The following NUDCD3 variants were observed in gnomAD, a reference collection of about 807,000 sequenced individuals.
NUDCD3 encodes nudC domain-containing protein 3.
A neutral mutation model predicts 39.7 loss-of-function variants in NUDCD3; 13 were observed. That is an observed-to-expected ratio of 0.33 (90% CI 0.21 to 0.52). The LOEUF (loss-of-function observed/expected upper bound fraction) is 0.52, where lower values mean the gene tolerates loss of function less well. NUDCD3 is among the 20% of genes least tolerant of loss of function. NUDCD3 has a pLI of 0.96. For missense variants in NUDCD3, 453 were observed against 458.1 expected, an observed-to-expected ratio of 0.99 and a Z score of 0.10; for synonymous variants, 175 against 172.4, an observed-to-expected ratio of 1.02 and a Z score of -0.12.
rs1798358755 is a variant in NUDCD3, at chr7:44,384,148, T to C, written c.*1863A>G. 1 of 152,226 alleles carries C rather than the reference T, an allele frequency of 6.6e-6. No individual in the cohort carries two copies. Among genetic ancestry groups the C allele is most frequent in the African/African-American group, 2.4e-5 (1 of 41,432 alleles). 9.4% of individuals were successfully genotyped at this position (152,226 alleles called of 1,614,324 possible). On this transcript the variant is annotated 3_prime_UTR_variant, in exon 6 of 6. Coordinates refer to ENST00000355451, the MANE Select transcript of NUDCD3 (RefSeq NM_015332.4). ...AGGGCATCTCACACCACTGCATCACTTCTGGAAGACTACCCACAGGGTGGG... is the reference window on the plus strand; with the variant it reads ...AGGGCATCTCACACCACTGCATCACCTCTGGAAGACTACCCACAGGGTGGG...
intron 1 of NUDCD3, among the ~76,000 whole-genome samples, chr7:44,487,257 C>G (rs182538243): frequency 1.3e-5 from 2 of 152,090 alleles, no homozygotes; most frequent in South Asian, 4.1e-4. Context: ...TAAAAGGAAA[C>G]GTATGAGCTG....
chr7:44,477,310 A>G (rs914398771), intron 2 of NUDCD3, among the ~76,000 whole-genome samples: 14 of 152,200 alleles, frequency 9.2e-5, no homozygotes, highest in African/African-American at 3.4e-4. Flanking sequence ...CAAAGGACAA[A>G]AAGATAACCA....
At chr7:44,394,580 G>C (rs184946578) in intron 4 of NUDCD3, among the ~76,000 whole-genome samples, 2 of 152,220 alleles carry the variant, frequency 1.3e-5, no homozygotes, top group Non-Finnish European at 2.9e-5. Context: ...AGTTATTACT[G>C]TGATCCATGT....
At chr7:44,423,969 G>C (rs1343330728) in intron 3 of NUDCD3, among the ~76,000 whole-genome samples, 1 of 152,088 alleles carries the variant, frequency 6.6e-6, no homozygotes. Flanking sequence ...GAACAGAACA[G>C]AGGCCTCAGA....
intron 2 of NUDCD3, among the ~76,000 whole-genome samples, chr7:44,431,114 G>A: frequency 6.6e-6 from 1 of 152,202 alleles, no homozygotes; most frequent in South Asian, 2.1e-4. Context: ...CCAGCCAACA[G>A]TATGTAAAAA....
chr7:44,466,414 GGAGA>G (rs1451813717), intron 2 of NUDCD3, among the ~76,000 whole-genome samples: 11 of 152,092 alleles, frequency 7.2e-5, no homozygotes, highest in Admixed American at 3.9e-4. Context: ...TGTTTTCCTT[GGAGA>G]GAGAAACAGT....
chr7:44,415,894 C>T (rs1799011794), intron 3 of NUDCD3, among the ~76,000 whole-genome samples: 1 of 152,190 alleles, frequency 6.6e-6, no homozygotes, highest in Non-Finnish European at 1.5e-5. Flanking sequence ...ACACTGCTGA[C>T]AGGCAACCGT....
chr7:44,458,385 C>T (rs1327159863), intron 2 of NUDCD3, among the ~76,000 whole-genome samples: 1 of 152,180 alleles, frequency 6.6e-6, no homozygotes, highest in South Asian at 2.1e-4. Flanking sequence ...TGGGGCCAGA[C>T]ATGGTGGCTC....
intron 2 of NUDCD3, among the ~76,000 whole-genome samples, chr7:44,481,074 T>C (rs979432190): frequency 6.6e-6 from 1 of 150,904 alleles, no homozygotes; most frequent in Non-Finnish European, 1.5e-5. Flanking sequence ...ACTATTTACA[T>C]AGCATTTACA....
intron 4 of NUDCD3, among the ~76,000 whole-genome samples, chr7:44,400,669 C>T (rs1483069213): frequency 6.6e-6 from 1 of 152,220 alleles, no homozygotes; most frequent in African/African-American, 2.4e-5. Flanking sequence ...TAGGGCCATG[C>T]TCCTGCAGAG....
At chr7:44,418,836 C>G (rs1799079530) in intron 3 of NUDCD3, among the ~76,000 whole-genome samples, 2 of 152,202 alleles carry the variant, frequency 1.3e-5, no homozygotes, top group Non-Finnish European at 2.9e-5. Flanking sequence ...GGGGGCCTCC[C>G]TTTCCCAGCC....
chr7:44,474,153 G>T (rs1350292444), intron 2 of NUDCD3, among the ~76,000 whole-genome samples: 1 of 149,018 alleles, frequency 6.7e-6, no homozygotes, highest in African/African-American at 2.5e-5. Context: ...TAAACATTTT[G>T]TGAAGTACAT....
intron 2 of NUDCD3, among the ~76,000 whole-genome samples, chr7:44,457,152 T>A (rs1162880063): frequency 6.6e-6 from 1 of 152,162 alleles, no homozygotes; most frequent in African/African-American, 2.4e-5. Context: ...TCTAGCGAGG[T>A]TACTAGAGGA....
intron 2 of NUDCD3, among the ~76,000 whole-genome samples, chr7:44,456,352 T>C (rs58515693): frequency 0.053 from 8,012 of 152,274 alleles, 327 homozygotes; most frequent in African/African-American, 0.11. Flanking sequence ...TAAATTCTGA[T>C]ATGAAAGACA....
intron 2 of NUDCD3, among the ~76,000 whole-genome samples, chr7:44,474,372 C>T (rs1800319932): frequency 6.6e-6 from 1 of 152,164 alleles, no homozygotes; most frequent in Non-Finnish European, 1.5e-5. Context: ...CGAGGTAGTT[C>T]TGCTTCAATT....
At chr7:44,453,027 G>A (rs772275697) in intron 2 of NUDCD3, among the ~76,000 whole-genome samples, 2 of 152,194 alleles carry the variant, frequency 1.3e-5, no homozygotes, top group Non-Finnish European at 2.9e-5. Flanking sequence ...CCACATAACA[G>A]CTCAGACGGC....
chr7:44,468,420 C>A, intron 2 of NUDCD3: 1 of 781,752 alleles, frequency 1.3e-6, no homozygotes, highest in South Asian at 1.9e-5. Flanking sequence ...TTGTTCAATG[C>A]CAGACAGCTT....
chr7:44,453,996 T>C (rs1799842837), intron 2 of NUDCD3, among the ~76,000 whole-genome samples: 1 of 151,982 alleles, frequency 6.6e-6, no homozygotes, highest in African/African-American at 2.4e-5. Context: ...TGAGCTGTGG[T>C]TGTGCCATTG....
Position 44,380,143 on chromosome 7 carries a change from TCTC to T in NUDCD3, c.*5865_*5867del, listed in dbSNP as rs1798282801. 6.6e-6 allele frequency: 1 copy of T among 152,158 alleles called. No homozygotes were observed. 9.4% of individuals were successfully genotyped at this position (152,158 alleles called of 1,614,324 possible). A position where few individuals can be genotyped will look rare whatever the true frequency, so the allele number is the denominator to read the frequency against. Reference sequence around the variant, plus strand: ...TGCTTTCAGGTGGATGGTTTGGATCTCTCCTCACCTGGCTGGTCAGGCCAGGGA... The same window carrying T: ...TGCTTTCAGGTGGATGGTTTGGATCTCTCACCTGGCTGGTCAGGCCAGGGA... On this transcript the variant is annotated 3_prime_UTR_variant, in exon 6 of 6. Coordinates refer to ENST00000355451, the MANE Select transcript of NUDCD3 (RefSeq NM_015332.4).
Sources: gnomAD v4.1 joint callset for allele counts (sites outside exome capture counted in the v4.1 genomes callset) on GRCh38, gnomAD v4.1.1 for gene constraint, MANE v1.5 for transcripts, NCBI Gene and HGNC (gene_info 2026-07-23, HGNC 2026-07-21) for gene names.